Variants in SBK3 observed in about 807,000 individuals in gnomAD.
SBK3 encodes uncharacterized serine/threonine-protein kinase SBK3.
A neutral mutation model predicts 12.7 loss-of-function variants in SBK3; 16 were observed. The observed-to-expected ratio is 1.26, with a 90% CI of 0.86 to 1.92. The LOEUF is 1.92. SBK3 is among the 40% of genes most tolerant of loss of function. The probability of loss-of-function intolerance (pLI) is 0.00; values close to 1 mark genes in which losing one functional copy is unlikely to be tolerated. For missense variants in SBK3, 462 were observed against 481.8 expected, an observed-to-expected ratio of 0.96 and a Z score of 0.38; for synonymous variants, 217 against 213.6, an observed-to-expected ratio of 1.02 and a Z score of -0.14.
At position 55,540,818 on chromosome 19, in the gene SBK3, G is replaced by T. The variant is rs760596812; in HGVS notation, c.*28C>A. 1 of 1,530,268 alleles carries T rather than the reference G, an allele frequency of 6.5e-7. No individual in the cohort carries two copies. Among genetic ancestry groups the T allele is most frequent in the African/African-American group, 1.4e-5 (1 of 73,002 alleles). 94.8% of individuals were successfully genotyped at this position (1,530,268 alleles called of 1,614,324 possible). On this transcript the variant is annotated 3_prime_UTR_variant, in exon 4 of 4. Coordinates refer to ENST00000612221, the MANE Select transcript of SBK3 (RefSeq NM_001199824.2). ...GCTGGGGGAAGGGCCTCTGGCCCAGGCTCTGGCCACCTGTCTCTGTCACCT... is the reference window on the plus strand; with the variant it reads ...GCTGGGGGAAGGGCCTCTGGCCCAGTCTCTGGCCACCTGTCTCTGTCACCT...
chr19:55,540,976 G>A lies in SBK3; in HGVS notation c.950C>T (p.Pro317Leu). 6.5e-7 allele frequency: 1 copy of A among 1,535,830 alleles called. No individual in the cohort carries two copies. The highest frequency in any genetic ancestry group is 1.2e-5 in the South Asian group (1 of 84,018). ...GGACACGGCGCTCCCCAAAACCCCAGGTCCCTCTCTGTTCCCTTGCAACCC... is the reference window on the plus strand; with the variant it reads ...GGACACGGCGCTCCCCAAAACCCCAAGTCCCTCTCTGTTCCCTTGCAACCC... ...DWGLQGNREGPGVLGSAVSYE... is the reference protein window; with the variant it reads ...DWGLQGNREGLGVLGSAVSYE... The change falls in exon 4 of 4, where the codon CCT becomes CTT. Residue 317 changes from proline (P) to leucine (L), a missense_variant. Pro to Leu is a moderately conservative substitution (Grantham distance 98). Coordinates refer to ENST00000612221, the MANE Select transcript of SBK3 (RefSeq NM_001199824.2).
chr19:55,544,487 C>T (rs536014061), intron 2 of SBK3, among the ~76,000 whole-genome samples, 185 bp from the exon 3 acceptor site: 266 of 152,252 alleles, frequency 1.7e-3, no homozygotes, highest in African/African-American at 6.1e-3. Flanking sequence ...CGGACTGCGG[C>T]GTGGGCTTGC....
At position 55,545,228 on chromosome 19, in the gene SBK3, C is replaced by T; in HGVS notation, c.45+271G>A. 1 of 581,856 alleles carries T rather than the reference C, an allele frequency of 1.7e-6. No individual in the cohort carries two copies. Among genetic ancestry groups the T allele is most frequent in the Non-Finnish European group, 3.0e-6 (1 of 328,712 alleles). The allele number at this position is 581,856 out of a possible 1,614,324, so 36.0% of individuals were successfully genotyped here. A position where few individuals can be genotyped will look rare whatever the true frequency, so the allele number is the denominator to read the frequency against. On this transcript the variant is annotated intron_variant, in intron 1 of 3. Coordinates refer to ENST00000612221, the MANE Select transcript of SBK3 (RefSeq NM_001199824.2). The surrounding 1 kb of genome is among the most constrained non-coding windows in gnomAD (Gnocchi z 4.4). ...CCCCGAGTGGGGGTGCATCCTCAGC[C>T]CACACAGTCCCCCTGCCCACCCTGG...
Position 55,541,244 on chromosome 19 carries a change from G to C in SBK3, c.682C>G (p.Leu228Val). 6.5e-7 allele frequency: 1 copy of C among 1,536,082 alleles called. No individual in the cohort carries two copies. The highest frequency in any genetic ancestry group is 8.7e-7 in the Non-Finnish European group (1 of 1,146,892). Residue 228 changes from leucine (L) to valine (V), a missense_variant, in exon 4 of 4, where the codon CTG (leucine) becomes GTG (valine). Coordinates refer to ENST00000612221, the MANE Select transcript of SBK3 (RefSeq NM_001199824.2). This position sits in a 1 kb window ranked among gnomAD's most constrained non-coding sequence, Gnocchi z 5.3. ...GCAGCACAGAAGAGAAGCACCCCCA[G>C]GCCCCAGGAGTCCACGGCTGGCCGC... ...PLRPAVDSWG[L>V]GVLLFCAATA...
rs1988647388 is a variant in SBK3 at position 55,545,154 on chromosome 19, CA to C, written c.46-206del. 3.4e-6 allele frequency: 2 copies of C among 582,526 alleles called. No individual in the cohort carries two copies. Among genetic ancestry groups the C allele is most frequent in the Non-Finnish European group, 6.1e-6 (2 of 330,568 alleles). 36.1% of individuals were successfully genotyped at this position (582,526 alleles called of 1,614,324 possible). On this transcript the variant is annotated intron_variant, in intron 1 of 3. Coordinates refer to ENST00000612221, the MANE Select transcript of SBK3 (RefSeq NM_001199824.2). The surrounding 1 kb of genome is among the most constrained non-coding windows in gnomAD (Gnocchi z 4.4). ...CTGGAGAGGTTAGGGGTCACTGCCA[CA>C]GAGGCCCCGCCTGCCCCTGTCTGTG...
rs1186458014 is a variant in SBK3 at position 55,540,989 on chromosome 19, T to G, written c.937A>C (p.Asn313His). 3.3e-6 allele frequency: 5 copies of G among 1,535,794 alleles called. No individual in the cohort carries two copies. The East Asian group carries it at 1.2e-4, about 38-fold the overall frequency. Residue 313 changes from asparagine (N) to histidine (H), a missense_variant, in exon 4 of 4, where the codon AAC becomes CAC. Asn to His is a moderately conservative substitution (Grantham distance 68). Transcript: ENST00000612221. ...CCCAAAACCCCAGGTCCCTCTCTGT[T>G]CCCTTGCAACCCCCAGTCGTCCCCC... Reference protein sequence around the residue: ...FLGDDWGLQGNREGPGVLGSA... With the variant: ...FLGDDWGLQGHREGPGVLGSA...
Position 55,544,319 on chromosome 19 carries a change from T to A in SBK3, c.197-17A>T, listed in dbSNP as rs1288391192. ...CAGCTGGACCTGCCAGGGAGATGGG[T>A]CGGAGGGACACTCAGGCGGCTCCAG... On this transcript the variant is annotated splice_polypyrimidine_tract_variant and intron_variant, in intron 2 of 3. Transcript: ENST00000612221. 4 of 1,532,046 alleles carry A rather than the reference T, an allele frequency of 2.6e-6. No homozygotes were observed. Among genetic ancestry groups the A allele is most frequent in the Non-Finnish European group, 3.5e-6 (4 of 1,144,276 alleles). 94.9% of individuals were successfully genotyped at this position (1,532,046 alleles called of 1,614,324 possible). A position where few individuals can be genotyped will look rare whatever the true frequency, so the allele number is the denominator to read the frequency against.
In SBK3 at chr19:55,545,160, C is replaced by T; in HGVS notation, c.46-211G>A. On this transcript the variant is annotated intron_variant, in intron 1 of 3. Transcript: ENST00000612221. This position sits in a 1 kb window ranked among gnomAD's most constrained non-coding sequence, Gnocchi z 4.4. ...AGGTTAGGGGTCACTGCCACAGAGG[C>T]CCCGCCTGCCCCTGTCTGTGGGAGC... 3.5e-6 allele frequency: 2 copies of T among 578,692 alleles called. No individual in the cohort carries two copies. Among genetic ancestry groups the T allele is most frequent in the South Asian group, 2.1e-5 (1 of 47,108 alleles). 35.8% of individuals were successfully genotyped at this position (578,692 alleles called of 1,614,324 possible).
In SBK3 at chr19:55,541,579, T is replaced by C; in HGVS notation, c.400-53A>G. 1 of 1,399,270 alleles carries C rather than the reference T, an allele frequency of 7.1e-7. No individual in the cohort carries two copies. The highest frequency in any genetic ancestry group is 9.5e-7 in the Non-Finnish European group (1 of 1,052,842). 86.7% of individuals were successfully genotyped at this position (1,399,270 alleles called of 1,614,324 possible). A position where few individuals can be genotyped will look rare whatever the true frequency, so the allele number is the denominator to read the frequency against. On this transcript the variant is annotated intron_variant, in intron 3 of 3. Transcript: ENST00000612221. The surrounding 1 kb of genome is among the most constrained non-coding windows in gnomAD (Gnocchi z 5.3). ...CAGAGTGTCTTGGTTTTGTCTTTTT[T>C]ATGTTGTCCAGGCTGGTCTCAAACT...
At position 55,545,392 on chromosome 19, in the gene SBK3, G is replaced by T; in HGVS notation, c.45+107C>A. ...CTGGGTCTGGGTCTCTGAGGTCTTT[G>T]CGTTTCCCTGTTTTCTGTTTCTCTT... is the stretch of plus-strand genomic sequence containing the variant. On this transcript the variant is annotated intron_variant, in intron 1 of 3. Coordinates refer to ENST00000612221, the MANE Select transcript of SBK3 (RefSeq NM_001199824.2). This position sits in a 1 kb window ranked among gnomAD's most constrained non-coding sequence, Gnocchi z 4.4. The T allele has an allele frequency of 1.1e-6, 1 of 927,450 alleles. No individual in the cohort carries two copies. The highest frequency in any genetic ancestry group is 1.6e-6 in the Non-Finnish European group (1 of 609,726). 57.5% of individuals were successfully genotyped at this position (927,450 alleles called of 1,614,324 possible).
intron 2 of SBK3, 28 bp downstream of exon 2, chr19:55,544,771 G>A: frequency 6.8e-7 from 1 of 1,464,238 alleles, no homozygotes; most frequent in Non-Finnish European, 9.0e-7. Context: ...GGCAGTTGGG[G>A]AGGCTGCCCT....
At chr19:55,543,335 C>CCAT (rs1988606525) in intron 3 of SBK3, among the ~76,000 whole-genome samples, 7 of 35,464 alleles carry the variant, frequency 2.0e-4, no homozygotes, top group African/African-American at 3.8e-4. Context: ...CATCCATCCA[C>CCAT]CCACCCACCC....
rs61910755 is a variant in SBK3 at position 55,541,474 on chromosome 19, A to G, written c.452T>C (p.Leu151Pro). ...CAGCCCCCGGCTGTGGAGGAAGTCC[A>G]GAGCTCCTGCCAACTGGGCCACCAC... ...KRVVAQLAGA[L>P]DFLHSRGLVH... is the part of the protein sequence containing the mutation. The change falls in exon 4 of 4, where the codon CTG becomes CCG. Residue 151 changes from leucine (L) to proline (P), a missense_variant. Coordinates refer to ENST00000612221, the MANE Select transcript of SBK3 (RefSeq NM_001199824.2). This position sits in a 1 kb window ranked among gnomAD's most constrained non-coding sequence, Gnocchi z 5.3. 3 of 1,531,056 alleles carry G rather than the reference A, an allele frequency of 2.0e-6. No homozygotes were observed. The highest frequency in any genetic ancestry group is 1.7e-4 in the Middle Eastern group (1 of 5,992). 94.8% of individuals were successfully genotyped at this position (1,531,056 alleles called of 1,614,324 possible).
rs1338883622 is a variant in SBK3 at position 55,540,959 on chromosome 19, C to T, written c.967G>A (p.Ala323Thr). Residue 323 changes from alanine to threonine, a missense_variant, in exon 4 of 4, where the codon GCC becomes ACC. Physicochemically the swap from Ala to Thr is moderately conservative, Grantham distance 58. Transcript: ENST00000612221. ...TCCTCCCTGTCCTCATAGGACACGG[C>T]GCTCCCCAAAACCCCAGGTCCCTCT... Reference protein sequence around the residue: ...NREGPGVLGSAVSYEDREEGG... With the variant: ...NREGPGVLGSTVSYEDREEGG... 6.5e-6 allele frequency: 10 copies of T among 1,535,692 alleles called. No individual in the cohort carries two copies. Among genetic ancestry groups the T allele is most frequent in the Admixed American group, 5.9e-5 (3 of 50,958 alleles).
rs185904841 is a variant in SBK3 at position 55,541,320 on chromosome 19, G to A, written c.606C>T (p.Pro202=). 497 of 1,535,258 alleles carry A rather than the reference G, an allele frequency of 3.2e-4. 1 individual carries two copies. In the African/African-American group the frequency reaches 5.9e-3, roughly 18 times the overall value. ...SPTPAPPVPL[P]TAPPELCLLL... ...GGAGACAGAGCTCAGGCGGTGCCGTGGGCAGAGGCACTGGTGGGGCGGGGG... is the reference window on the plus strand; with the variant it reads ...GGAGACAGAGCTCAGGCGGTGCCGTAGGCAGAGGCACTGGTGGGGCGGGGG... Residue 202 remains proline, a synonymous_variant, in exon 4 of 4, where the codon CCC becomes CCT. Coordinates refer to ENST00000612221, the MANE Select transcript of SBK3 (RefSeq NM_001199824.2). The surrounding 1 kb of genome is among the most constrained non-coding windows in gnomAD (Gnocchi z 5.3).
chr19:55,544,762 G>A, intron 2 of SBK3, 37 bp downstream of exon 2: 1 of 1,454,490 alleles, frequency 6.9e-7, no homozygotes, highest in Non-Finnish European at 9.0e-7. Context: ...TTATTGTGGG[G>A]CAGTTGGGGA....
rs781773288 is a variant in SBK3, at chr19:55,541,160, C to T, written c.766G>A (p.Ala256Thr). Residue 256 changes from alanine (A) to threonine (T), a missense_variant, in exon 4 of 4, where the codon GCT (alanine) becomes ACT (threonine). Physicochemically the swap from Ala to Thr is moderately conservative, Grantham distance 58 (BLOSUM62 0). Coordinates refer to ENST00000612221, the MANE Select transcript of SBK3 (RefSeq NM_001199824.2). The surrounding 1 kb of genome is among the most constrained non-coding windows in gnomAD (Gnocchi z 5.3). Reference sequence around the variant, plus strand: ...TGAGGCTTGGTGGTCACCCAGCCAGCGAAGGCCTCGAACTCAGGGTTGGGG... The same window carrying T: ...TGAGGCTTGGTGGTCACCCAGCCAGTGAAGGCCTCGAACTCAGGGTTGGGG... The part of the protein sequence containing the change: ...LAPNPEFEAF[A>T]GWVTTKPQPP... 3.1e-5 allele frequency: 47 copies of T among 1,535,648 alleles called. No homozygotes were observed. In the South Asian group the frequency reaches 3.9e-4, roughly 13 times the overall value.
rs1988622366 is a variant in SBK3, at chr19:55,544,213, C to T, written c.286G>A (p.Ala96Thr). Residue 96 changes from alanine to threonine, a missense_variant, in exon 3 of 4, where the codon GCA becomes ACA. Ala to Thr is a moderately conservative substitution (Grantham distance 58). Coordinates refer to ENST00000612221, the MANE Select transcript of SBK3 (RefSeq NM_001199824.2). ...AGGGTCTGCAGCAGGCCTGGGTGTG[C>T]AGAGACGCAGCGGCCCACACAGAAC... ...REFCVGRCVS[A>T]HPGLLQTLAG... The T allele has an allele frequency of 6.5e-7, 1 of 1,535,978 alleles. No homozygotes were observed. The highest frequency in any genetic ancestry group is 8.7e-7 in the Non-Finnish European group (1 of 1,146,868).
At position 55,544,819 on chromosome 19, in the gene SBK3, A is replaced by T; in HGVS notation, c.176T>A (p.Leu59His). The T allele has an allele frequency of 6.6e-7, 1 of 1,524,192 alleles. No homozygotes were observed. Among genetic ancestry groups the T allele is most frequent in the Middle Eastern group, 2.0e-4 (1 of 4,926 alleles). The allele number at this position is 1,524,192 out of a possible 1,614,324, so 94.4% of individuals were successfully genotyped here. Residue 59 changes from leucine (L) to histidine (H), a missense_variant, in exon 2 of 4, where the codon CTT becomes CAT. Physicochemically the swap from Leu to His is moderately conservative, Grantham distance 99. Transcript: ENST00000612221. ...CTCACCCCCCTGGTGAGGCTGGGCA[A>T]GGAGCACGCGGCCGTAGGAGCCGGA... ...LGSGSYGRVL[L>H]AQPHQGGPAV...
Sources: allele counts gnomAD v4.1 joint callset (sites outside exome capture counted in the v4.1 genomes callset), GRCh38; gene constraint gnomAD v4.1.1; non-coding constraint Gnocchi (gnomAD v3.1); transcripts MANE v1.5; gene names NCBI Gene and HGNC (gene_info 2026-07-23, HGNC 2026-07-21).